Variants in SLC7A11 observed in about 807,000 individuals in gnomAD.
The protein encoded by SLC7A11 is solute carrier family 7 member 11.
In SLC7A11, 35 loss-of-function variants were observed where a neutral mutation model predicts 54.5. The ratio of observed to expected loss-of-function variants is 0.64; its 90% confidence interval spans 0.49 to 0.85. The LOEUF (loss-of-function observed/expected upper bound fraction) is 0.85. SLC7A11 is among the 40% of genes least tolerant of loss of function. The probability of loss-of-function intolerance (pLI) is 0.00; values close to 1 mark genes in which losing one functional copy is unlikely to be tolerated. For missense variants in SLC7A11, 583 were observed against 618.1 expected, an observed-to-expected ratio of 0.94 and a Z score of 0.60; for synonymous variants, 230 against 225.2, an observed-to-expected ratio of 1.02 and a Z score of -0.19.
chr4:138,193,470 C>G (rs1009666343), intron 6 of SLC7A11, among the ~76,000 whole-genome samples: 2 of 152,096 alleles, frequency 1.3e-5, no homozygotes, highest in Non-Finnish European at 2.9e-5. Context: ...CTTTACATCA[C>G]TTTGTGGACC....
chr4:138,237,746 T>G (rs1361134848), intron 1 of SLC7A11, among the ~76,000 whole-genome samples: 1 of 24,038 alleles, frequency 4.2e-5, no homozygotes, highest in Admixed American at 6.4e-4. Flanking sequence ...TATTTTTTTT[T>G]TTTTTTTTTT....
In SLC7A11 at chr4:138,237,731, ATATATATTTTTTTTTTTTTTTTTTT is replaced by A. The variant is rs1242889381; in HGVS notation, c.278-1305_278-1281del. ...TATATATATATATATATATATATAT[ATATATATTTTTTTTTTTTTTTTTTT>A]TTTTTTTTTTTTGAGATGGAGTCTC... On this transcript the variant is annotated intron_variant, in intron 1 of 11. Transcript: ENST00000280612. Among the ~76,000 whole-genome samples the A allele has an allele frequency of 1.1e-3, 12 of 10,652 alleles. 1 individual carries two copies. Among genetic ancestry groups the A allele is most frequent in the African/African-American group, 3.8e-3 (10 of 2,660 alleles). 7.0% of individuals were successfully genotyped at this position (10,652 alleles called of 152,430 possible).
At position 138,170,319 on chromosome 4, in the gene SLC7A11, T is replaced by TATAA. The variant is rs1560713544; in HGVS notation, c.*1636_*1637insTTAT. The stretch of plus-strand genomic sequence containing the variant: ...ATACACACACATATATATATATATA[T>TATAA]AATCTTTTTTTTTTGGAGATGGAGT... On this transcript the variant is annotated 3_prime_UTR_variant, in exon 12 of 12. Transcript: ENST00000280612. 7.7e-6 allele frequency: 1 copy of TATAA among 130,672 alleles called. No homozygotes were observed. The highest frequency in any genetic ancestry group is 2.8e-5 in the African/African-American group (1 of 35,370). The allele number at this position is 130,672 out of a possible 1,614,324, so 8.1% of individuals were successfully genotyped here.
chr4:138,185,978 G>C (rs1560720832), intron 6 of SLC7A11, among the ~76,000 whole-genome samples: 2 of 152,116 alleles, frequency 1.3e-5, no homozygotes, highest in Admixed American at 1.3e-4. Flanking sequence ...CAACAGCGCA[G>C]ATAATCCCAT....
chr4:138,227,720 A>G (rs58099145), intron 3 of SLC7A11, among the ~76,000 whole-genome samples: 50,928 of 151,994 alleles, frequency 0.34, 9,265 homozygotes, highest in East Asian at 0.47. Flanking sequence ...AGTTCAAAAG[A>G]CATACATGAT....
At chr4:138,183,751 C>T (rs1440718686) in intron 7 of SLC7A11, among the ~76,000 whole-genome samples, 1 of 152,002 alleles carries the variant, frequency 6.6e-6, no homozygotes, top group Admixed American at 6.6e-5. Flanking sequence ...TATGCCAATC[C>T]CATTCTTAGG....
chr4:138,234,827 A>G (rs1433699725), intron 2 of SLC7A11, among the ~76,000 whole-genome samples: 2 of 152,252 alleles, frequency 1.3e-5, no homozygotes, highest in Non-Finnish European at 1.5e-5. Context: ...GTCAAGTCCA[A>G]CTGTATTAAG....
chr4:138,212,233 T>G (rs1279394853), intron 6 of SLC7A11, among the ~76,000 whole-genome samples: 1 of 151,920 alleles, frequency 6.6e-6, no homozygotes, highest in Non-Finnish European at 1.5e-5. Flanking sequence ...CAAAATGGTG[T>G]AATTTTTCAC....
chr4:138,221,361 A>G (rs926945228), intron 4 of SLC7A11, among the ~76,000 whole-genome samples: 19 of 152,348 alleles, frequency 1.2e-4, no homozygotes, highest in African/African-American at 4.3e-4. Context: ...TCAGGATATG[A>G]TTAGAATAGA....
At chr4:138,194,668 C>G (rs1737089082) in intron 6 of SLC7A11, among the ~76,000 whole-genome samples, 1 of 152,100 alleles carries the variant, frequency 6.6e-6, no homozygotes, top group Non-Finnish European at 1.5e-5. Flanking sequence ...CATCTTTTCT[C>G]TGGAGTTCTG....
At chr4:138,234,101 T>G (rs1046142951) in intron 2 of SLC7A11, among the ~76,000 whole-genome samples, 10 of 152,206 alleles carry the variant, frequency 6.6e-5, no homozygotes, top group Non-Finnish European at 1.3e-4. Flanking sequence ...TTCCTCCCAC[T>G]TGACTCTGAG....
At chr4:138,186,998 G>A (rs1025774817) in intron 6 of SLC7A11, among the ~76,000 whole-genome samples, 35 of 152,136 alleles carry the variant, frequency 2.3e-4, no homozygotes, top group African/African-American at 8.0e-4. Flanking sequence ...AGTTTCCATT[G>A]ATAAAAAATG....
intron 10 of SLC7A11, 122 bp downstream of exon 10, chr4:138,180,519 A>T: frequency 2.1e-6 from 2 of 961,504 alleles, no homozygotes; most frequent in Non-Finnish European, 3.0e-6. Context: ...TGCAAGAGTT[A>T]AACATTTTTA....
chr4:138,226,465 T>G (rs1737951085), intron 3 of SLC7A11, among the ~76,000 whole-genome samples: 1 of 152,136 alleles, frequency 6.6e-6, no homozygotes, highest in African/African-American at 2.4e-5. Flanking sequence ...CCCTGCTTTA[T>G]CTGAGCATCC....
At chr4:138,212,473 C>T (rs1322216021) in intron 6 of SLC7A11, among the ~76,000 whole-genome samples, 1 of 151,370 alleles carries the variant, frequency 6.6e-6, no homozygotes, top group Non-Finnish European at 1.5e-5. Context: ...ATTATTATTT[C>T]CATTTTTTAG....
chr4:138,227,133 G>T (rs569116676), intron 3 of SLC7A11, among the ~76,000 whole-genome samples: 49 of 152,162 alleles, frequency 3.2e-4, no homozygotes, highest in South Asian at 6.2e-4. Flanking sequence ...TCTGTCTTTG[G>T]GTTTTGAAGA....
At chr4:138,223,707 A>G (rs1578665478) in intron 3 of SLC7A11, among the ~76,000 whole-genome samples, 1 of 151,898 alleles carries the variant, frequency 6.6e-6, no homozygotes. Flanking sequence ...TGATGTGACA[A>G]CTCTTTCCTG....
chr4:138,172,735 C>T (rs1243422783), intron 11 of SLC7A11, among the ~76,000 whole-genome samples: 2 of 152,098 alleles, frequency 1.3e-5, no homozygotes, highest in African/African-American at 4.8e-5. Context: ...TACCTTTTTT[C>T]CTTCAGAACC....
chr4:138,175,538 T>C (rs1024508518), intron 11 of SLC7A11: 2 of 152,190 alleles, frequency 1.3e-5, no homozygotes, highest in African/African-American at 4.8e-5. Context: ...CTTGTGTTTC[T>C]ATAAGTAAAT....
Sources: gnomAD v4.1 joint callset for allele counts (sites outside exome capture counted in the v4.1 genomes callset) on GRCh38, gnomAD v4.1.1 for gene constraint, MANE v1.5 for transcripts, NCBI Gene and HGNC (gene_info 2026-07-23, HGNC 2026-07-21) for gene names.